NINJ2: variants seen among roughly 807,000 people sequenced by gnomAD.
The protein encoded by NINJ2 is ninjurin 2.
In NINJ2, 12 loss-of-function variants were observed where a neutral mutation model predicts 11.7. The observed-to-expected ratio is 1.02, with a 90% CI of 0.66 to 1.66. NINJ2 has a LOEUF of 1.66. NINJ2 is among the 40% of genes most tolerant of loss of function. NINJ2 has a pLI of 0.00. For synonymous variants in NINJ2, 93 were observed against 76.8 expected, an observed-to-expected ratio of 1.21 and a Z score of -1.10; for missense variants, 187 against 181.8, an observed-to-expected ratio of 1.03 and a Z score of -0.16.
At chr12:598,858 C>T (rs1947824247) in intron 1 of NINJ2, among the ~76,000 whole-genome samples, 2 of 151,882 alleles carry the variant, frequency 1.3e-5, no homozygotes, top group South Asian at 2.1e-4. Flanking sequence ...CACCACCACA[C>T]CCGGCTAGTT....
intron 1 of NINJ2, among the ~76,000 whole-genome samples, chr12:638,672 C>T (rs1253685144): frequency 6.6e-6 from 1 of 152,242 alleles, no homozygotes; most frequent in African/African-American, 2.4e-5. Context: ...GCCTCGGCCT[C>T]CCAAAGTGCT....
At position 580,715 on chromosome 12, in the gene NINJ2, G is replaced by T. The variant is rs1453627707; in HGVS notation, c.34-14537C>A. On this transcript the variant is annotated intron_variant, in intron 1 of 3. Transcript: ENST00000305108. The surrounding 1 kb of genome is among the most constrained non-coding windows in gnomAD (Gnocchi z 4.7). The stretch of plus-strand genomic sequence containing the variant: ...TCTGTGGCACCTTCTGGGGGTGCCT[G>T]CCAATGGCTATAGTATACAAACACC... Among the ~76,000 whole-genome samples the T allele has an allele frequency of 6.6e-6, 1 of 152,208 alleles. No homozygotes were observed. Among genetic ancestry groups the T allele is most frequent in the Non-Finnish European group, 1.5e-5 (1 of 68,032 alleles).
chr12:663,249 CTAAAG>C lies in NINJ2; in HGVS notation c.33+74_33+78del, dbSNP rs369721038. 984 of 1,323,550 alleles carry C rather than the reference CTAAAG, an allele frequency of 7.4e-4. 14 individuals are homozygous for C. In the South Asian group the frequency reaches 0.012, roughly 16 times the overall value. 82.0% of individuals were successfully genotyped at this position (1,323,550 alleles called of 1,614,324 possible). A position where few individuals can be genotyped will look rare whatever the true frequency, so the allele number is the denominator to read the frequency against. ...AACGGGGAGGGAGAATATCAAGTGA[CTAAAG>C]TATCAATCCTCTGTTCTTCCAGCTT... On this transcript the variant is annotated intron_variant, in intron 1 of 3. Transcript: ENST00000305108.
chr12:639,285 C>T (rs1045641568), intron 1 of NINJ2, among the ~76,000 whole-genome samples: 1 of 152,144 alleles, frequency 6.6e-6, no homozygotes, highest in African/African-American at 2.4e-5. Flanking sequence ...TTATATGGGG[C>T]TGTCATTGCT....
At chr12:605,563 A>G (rs931530284) in intron 1 of NINJ2, among the ~76,000 whole-genome samples, 5 of 152,242 alleles carry the variant, frequency 3.3e-5, no homozygotes, top group African/African-American at 7.2e-5. Flanking sequence ...AAAATAAAAA[A>G]TAAAAGAGAT....
Position 585,293 on chromosome 12 carries a change from G to T in NINJ2, c.34-19115C>A, listed in dbSNP as rs556757187. 6.6e-5 allele frequency among the ~76,000 whole-genome samples: 10 copies of T among 152,284 alleles called. No homozygotes were observed. In the South Asian group the frequency reaches 1.7e-3, roughly 25 times the overall value. ...CTGCTGCAAGCTCTTAACCCTTAGC[G>T]TGAGCAGATGGTAGAACTGCCCATG... is the stretch of plus-strand genomic sequence containing the variant. On this transcript the variant is annotated intron_variant, in intron 1 of 3. Transcript: ENST00000305108. The surrounding 1 kb of genome is among the most constrained non-coding windows in gnomAD (Gnocchi z 4.1).
intron 1 of NINJ2, among the ~76,000 whole-genome samples, chr12:619,573 C>T (rs1948130180): frequency 6.6e-6 from 1 of 152,170 alleles, no homozygotes; most frequent in Non-Finnish European, 1.5e-5. Context: ...CCAAGGGTGG[C>T]ATATTGCCTG....
intron 1 of NINJ2, among the ~76,000 whole-genome samples, chr12:653,380 T>C (rs1160263245): frequency 6.6e-6 from 1 of 152,070 alleles, no homozygotes; most frequent in Non-Finnish European, 1.5e-5. Context: ...ACAATATATT[T>C]GATTATGTAT....
intron 1 of NINJ2, among the ~76,000 whole-genome samples, chr12:634,302 C>G (rs193226994): frequency 2.1e-5 from 2 of 93,958 alleles, no homozygotes; most frequent in Non-Finnish European, 2.4e-5. Context: ...CACTGTCTCC[C>G]GGGCTGGAGT....
chr12:573,119 G>A lies in NINJ2; in HGVS notation c.34-6941C>T, dbSNP rs1425222785. Reference sequence around the variant, plus strand: ...CAGCTCACTGCAAGCTCCGCCTCCCGGGTTCACGCCATTCTCCTGCCTCAG... The same window carrying A: ...CAGCTCACTGCAAGCTCCGCCTCCCAGGTTCACGCCATTCTCCTGCCTCAG... On this transcript the variant is annotated intron_variant, in intron 1 of 3. Coordinates refer to ENST00000305108, the MANE Select transcript of NINJ2 (RefSeq NM_016533.6). Among the ~76,000 whole-genome samples, 25 of 148,828 alleles carry A rather than the reference G, an allele frequency of 1.7e-4. No individual in the cohort carries two copies. In the South Asian group the frequency reaches 1.9e-3, roughly 12 times the overall value.
intron 1 of NINJ2, among the ~76,000 whole-genome samples, chr12:601,342 C>G (rs139513645): frequency 0.026 from 3,859 of 146,722 alleles, 93 homozygotes; most frequent in Non-Finnish European, 0.032. Context: ...GTCAGGAGAT[C>G]GAGACCATCC....
chr12:576,214 C>A (rs1207554657), intron 1 of NINJ2, among the ~76,000 whole-genome samples: 1 of 152,228 alleles, frequency 6.6e-6, no homozygotes, highest in East Asian at 1.9e-4. Context: ...CCTAAAGCTG[C>A]AGCACCGAGA....
intron 1 of NINJ2, among the ~76,000 whole-genome samples, chr12:573,761 C>A (rs1947412556): frequency 6.6e-6 from 1 of 152,144 alleles, no homozygotes; most frequent in South Asian, 2.1e-4. Context: ...TGCAGTGGGG[C>A]TGTGTCCCTG....
intron 1 of NINJ2, among the ~76,000 whole-genome samples, chr12:629,899 ATAT>A (rs1565641700): frequency 2.0e-5 from 2 of 98,102 alleles, no homozygotes; most frequent in African/African-American, 7.7e-5. Flanking sequence ...AAAAAAAAAT[ATAT>A]ATATATATAT....
chr12:651,588 C>T (rs550544093), intron 1 of NINJ2, among the ~76,000 whole-genome samples: 2 of 152,266 alleles, frequency 1.3e-5, no homozygotes, highest in Admixed American at 6.5e-5. Context: ...GCAAAAACCA[C>T]AATTGGAAGA....
rs1443627240 is a variant in NINJ2 at position 591,127 on chromosome 12, C to T, written c.34-24949G>A. 1 of 152,288 alleles carries T rather than the reference C, an allele frequency of 6.6e-6. No homozygotes were observed. Among genetic ancestry groups the T allele is most frequent in the African/African-American group, 2.4e-5 (1 of 41,450 alleles). 9.4% of individuals were successfully genotyped at this position (152,288 alleles called of 1,614,324 possible). On this transcript the variant is annotated intron_variant, in intron 1 of 3. Transcript: ENST00000305108. The surrounding 1 kb of genome is among the most constrained non-coding windows in gnomAD (Gnocchi z 5.0). ...GAAAAGAAGTTCAGCGAGAGTGGTG[C>T]CTCTTTTCAAAATGGTATGACAGTC... is the stretch of plus-strand genomic sequence containing the variant.
intron 1 of NINJ2, among the ~76,000 whole-genome samples, chr12:617,849 G>A (rs971347061): frequency 6.6e-6 from 1 of 152,120 alleles, no homozygotes; most frequent in Non-Finnish European, 1.5e-5. Context: ...GAAGTCACTT[G>A]TTCTCCAAGC....
chr12:567,333 A>G (rs1947315007), intron 1 of NINJ2, among the ~76,000 whole-genome samples: 2 of 152,298 alleles, frequency 1.3e-5, no homozygotes, highest in South Asian at 4.1e-4. Context: ...GGACAGATGG[A>G]TGGATAGATG....
chr12:633,056 C>G lies in NINJ2; in HGVS notation c.33+30272G>C, dbSNP rs1444406215. On this transcript the variant is annotated intron_variant, in intron 1 of 3. Coordinates refer to ENST00000305108, the MANE Select transcript of NINJ2 (RefSeq NM_016533.6). This position sits in a 1 kb window ranked among gnomAD's most constrained non-coding sequence, Gnocchi z 4.3. ...TCAATCAGAAAGGTCGTGAAATATA[C>G]CTCAGCCTGGCATTGGGCTTGGGGC... 6.6e-6 allele frequency among the ~76,000 whole-genome samples: 1 copy of G among 152,172 alleles called. No individual in the cohort carries two copies. The highest frequency in any genetic ancestry group is 1.5e-5 in the Non-Finnish European group (1 of 68,022).
Sources: gnomAD v4.1 joint callset for allele counts (sites outside exome capture counted in the v4.1 genomes callset) on GRCh38, gnomAD v4.1.1 for gene constraint, Gnocchi (gnomAD v3.1) non-coding constraint, MANE v1.5 for transcripts, NCBI Gene and HGNC (gene_info 2026-07-23, HGNC 2026-07-21) for gene names.